PPARG: variants seen among roughly 807,000 people sequenced by gnomAD.
PPARG encodes the protein peroxisome proliferator-activated receptor gamma.
PPARG carries 17 observed loss-of-function variants against 39.2 expected under a neutral mutation model. The ratio of observed to expected loss-of-function variants is 0.43; its 90% CI spans 0.30 to 0.65. The LOEUF (loss-of-function observed/expected upper bound fraction) is 0.65. Ranked by LOEUF, PPARG falls within the 30% of genes least tolerant of loss-of-function variation. The pLI, the probability that PPARG is intolerant of heterozygous loss-of-function variation, is 0.13. For missense variants in PPARG, 406 were observed against 585.9 expected (o/e 0.69, Z 3.17); for synonymous variants, 223 against 215.7 (o/e 1.03, Z -0.30).
At chr3:12,357,107 A>T (rs990272258) in intron 2 of PPARG, among the ~76,000 whole-genome samples, 41 of 152,018 alleles carry the variant, frequency 2.7e-4, no homozygotes, top group Middle Eastern at 6.8e-3. Flanking sequence ...TTCAGCTTCC[A>T]TCCTAACCTC....
At chr3:12,380,934 G>A (rs1223273452) in intron 3 of PPARG, among the ~76,000 whole-genome samples, 1 of 152,098 alleles carries the variant, frequency 6.6e-6, no homozygotes, top group Admixed American at 6.6e-5. Flanking sequence ...CTTATAAAAT[G>A]GAATATTTAA....
chr3:12,380,191 G>T (rs2049591103), intron 3 of PPARG, among the ~76,000 whole-genome samples: 1 of 151,270 alleles, frequency 6.6e-6, no homozygotes, highest in Non-Finnish European at 1.5e-5. Flanking sequence ...TCCTTCTTAG[G>T]GACATTTTCT....
intron 2 of PPARG, among the ~76,000 whole-genome samples, chr3:12,349,249 A>G (rs1387249395): frequency 6.6e-6 from 1 of 152,220 alleles, no homozygotes; most frequent in Non-Finnish European, 1.5e-5. Context: ...GGATGAATAA[A>G]TGTGGAAATA....
intron 5 of PPARG, among the ~76,000 whole-genome samples, chr3:12,403,180 C>T (rs2050537246): frequency 6.6e-6 from 1 of 151,392 alleles, no homozygotes; most frequent in Non-Finnish European, 1.5e-5. Flanking sequence ...GTAGTCCTAG[C>T]TACGCAGGAG....
Position 12,416,697 on chromosome 3 carries a change from T to C in PPARG, c.730-7T>C, listed in dbSNP as rs749479648. 12 of 1,612,434 alleles carry C rather than the reference T, an allele frequency of 7.4e-6. No individual in the cohort carries two copies. Among genetic ancestry groups the C allele is most frequent in the Non-Finnish European group, 9.3e-6 (11 of 1,178,938 alleles). On this transcript the variant is annotated splice_region_variant and splice_polypyrimidine_tract_variant and intron_variant, in intron 6 of 7. Coordinates refer to ENST00000651735, the MANE Select transcript of PPARG (RefSeq NM_138711.6). ...AGTCATCCACGTTTTCCCTGTTTTA[T>C]TTGCAGCCATTCGTTATCTATGACA... is the stretch of plus-strand genomic sequence containing the variant.
At chr3:12,407,138 C>G (rs2050700095) in intron 6 of PPARG, among the ~76,000 whole-genome samples, 1 of 152,114 alleles carries the variant, frequency 6.6e-6, no homozygotes, top group Admixed American at 6.6e-5. Flanking sequence ...TGGATCATGT[C>G]TCTGTACCTC....
chr3:12,404,904 G>A (rs955564587), intron 5 of PPARG, among the ~76,000 whole-genome samples: 3 of 152,190 alleles, frequency 2.0e-5, no homozygotes, highest in African/African-American at 7.2e-5. Flanking sequence ...CTCTGCGCTC[G>A]AGGAGCATAT....
chr3:12,288,143 T>C (rs1195157809), upstream of PPARG: 1 of 152,298 alleles, frequency 6.6e-6, no homozygotes, highest in Non-Finnish European at 1.5e-5. Flanking sequence ...AAACGGGAAC[T>C]GACGGGGTCC....
chr3:12,401,831 A>C (rs1263825272), intron 5 of PPARG, among the ~76,000 whole-genome samples: 2 of 152,226 alleles, frequency 1.3e-5, no homozygotes, highest in Non-Finnish European at 2.9e-5. Flanking sequence ...TTAACAATAC[A>C]GATAATTTAT....
intron 7 of PPARG, among the ~76,000 whole-genome samples, chr3:12,429,571 A>G (rs3105363): frequency 0.2 from 29,575 of 147,938 alleles, 3,766 homozygotes; most frequent in East Asian, 0.48. Context: ...AAAAAAAAAA[A>G]AAGAAGCAGG....
intron 2 of PPARG, among the ~76,000 whole-genome samples, chr3:12,365,360 A>G (rs192635550): frequency 4.2e-4 from 64 of 152,258 alleles, no homozygotes; most frequent in Admixed American, 1.0e-3. Flanking sequence ...ACTGTTTTGC[A>G]CAGAGCAGAC....
In PPARG at chr3:12,381,208, T is replaced by C. The variant is rs1021176225; in HGVS notation, c.221-114T>C. 3.6e-6 allele frequency: 4 copies of C among 1,101,606 alleles called. No individual in the cohort carries two copies. The East Asian group carries it at 1.0e-4, about 28-fold the overall frequency. The allele number at this position is 1,101,606 out of a possible 1,614,324, so 68.2% of individuals were successfully genotyped here. On this transcript the variant is annotated intron_variant, in intron 3 of 7. Coordinates refer to ENST00000651735, the MANE Select transcript of PPARG (RefSeq NM_138711.6). ...TGTTTTTTCATGTTCCACTGTGCTT[T>C]TACACTGAAACAATACAAATACAGC... is the stretch of plus-strand genomic sequence containing the variant.
intron 2 of PPARG, among the ~76,000 whole-genome samples, chr3:12,346,157 G>T (rs568068111): frequency 6.6e-6 from 1 of 152,288 alleles, no homozygotes; most frequent in East Asian, 1.9e-4. Context: ...GTATTAGAGG[G>T]AAGTTAACTT....
intron 4 of PPARG, among the ~76,000 whole-genome samples, chr3:12,386,206 T>C (rs546930827): frequency 6.6e-6 from 1 of 152,304 alleles, no homozygotes; most frequent in East Asian, 1.9e-4. Flanking sequence ...CCTTGTTCTG[T>C]AAATCGATAA....
intron 2 of PPARG, among the ~76,000 whole-genome samples, chr3:12,374,473 C>A (rs549762188): frequency 1.3e-5 from 2 of 152,220 alleles, no homozygotes; most frequent in African/African-American, 4.8e-5. Context: ...GTGGCACACG[C>A]CTGTAATCCC....
At chr3:12,433,768 T>C in intron 7 of PPARG, 130 bp from the exon 8 acceptor site, 1 of 1,318,242 alleles carries the variant, frequency 7.6e-7, no homozygotes, top group South Asian at 1.2e-5. Flanking sequence ...CCCACCTATT[T>C]AAGATACAAA....
At chr3:12,346,485 C>A (rs1007130072) in intron 2 of PPARG, among the ~76,000 whole-genome samples, 1 of 152,024 alleles carries the variant, frequency 6.6e-6, no homozygotes, top group Non-Finnish European at 1.5e-5. Context: ...AAATGTGGAC[C>A]CAAAGAGTTG....
At chr3:12,308,822 T>G (rs974135272) in intron 1 of PPARG, among the ~76,000 whole-genome samples, 1 of 152,000 alleles carries the variant, frequency 6.6e-6, no homozygotes, top group African/African-American at 2.4e-5. Flanking sequence ...TCAAGAAAAG[T>G]CTAATGGATT....
chr3:12,319,536 T>A (rs1054133757), intron 2 of PPARG, among the ~76,000 whole-genome samples: 1 of 152,196 alleles, frequency 6.6e-6, no homozygotes, highest in Non-Finnish European at 1.5e-5. Flanking sequence ...TAGAGAAATC[T>A]GGCATGACTA....
Sources: gnomAD v4.1 joint callset for allele counts (sites outside exome capture counted in the v4.1 genomes callset) on GRCh38, gnomAD v4.1.1 for gene constraint, MANE v1.5 for transcripts, NCBI Gene and HGNC (gene_info 2026-07-23, HGNC 2026-07-21) for gene names.